ZNF385D: variants seen among roughly 807,000 people sequenced by gnomAD.
The protein encoded by ZNF385D is zinc finger protein 385D, also known as zinc finger protein 659.
In ZNF385D, 15 loss-of-function variants were observed where a neutral mutation model predicts 35.8. The ratio of observed to expected loss-of-function variants is 0.42; its 90% CI spans 0.28 to 0.64. The LOEUF is 0.64. ZNF385D is among the 30% of genes least tolerant of loss of function. ZNF385D has a pLI of 0.23. For synonymous variants in ZNF385D, 212 were observed against 186.8 expected, an observed-to-expected ratio of 1.13 and a Z score of -1.10; for missense variants, 474 against 494.6, an observed-to-expected ratio of 0.96 and a Z score of 0.39.
At chr3:22,157,057 T>A (rs1455103076) in intron 3 of ZNF385D, among the ~76,000 whole-genome samples, 1 of 152,108 alleles carries the variant, frequency 6.6e-6, no homozygotes, top group East Asian at 1.9e-4. Flanking sequence ...GGCTTCTGAA[T>A]CAAGGAGCAA....
At chr3:21,758,572 T>C (rs1321604633) in intron 3 of ZNF385D, among the ~76,000 whole-genome samples, 3 of 152,096 alleles carry the variant, frequency 2.0e-5, no homozygotes, top group Non-Finnish European at 4.4e-5. Context: ...AAACAGAACG[T>C]TCAGGCAGAA....
At chr3:21,499,980 G>A (rs1283611136) in intron 4 of ZNF385D, among the ~76,000 whole-genome samples, 1 of 152,096 alleles carries the variant, frequency 6.6e-6, no homozygotes, top group South Asian at 2.1e-4. Flanking sequence ...TAGTCAATCC[G>A]ACTCAATAGA....
intron 3 of ZNF385D, among the ~76,000 whole-genome samples, chr3:21,942,183 A>G (rs1219522153): frequency 2.0e-5 from 3 of 152,204 alleles, no homozygotes; most frequent in Admixed American, 2.0e-4. Flanking sequence ...TTTCTGAAAT[A>G]TTACATTTTA....
At chr3:22,255,877 C>T (rs1459538947) in intron 2 of ZNF385D, among the ~76,000 whole-genome samples, 2 of 150,744 alleles carry the variant, frequency 1.3e-5, no homozygotes, top group African/African-American at 2.4e-5. Flanking sequence ...TTGAAGGATA[C>T]AAAGTATTGA....
chr3:22,090,659 G>A (rs1701281641), intron 3 of ZNF385D, among the ~76,000 whole-genome samples: 1 of 152,226 alleles, frequency 6.6e-6, no homozygotes, highest in African/African-American at 2.4e-5. Context: ...CAACAACAGT[G>A]AAATTCACCA....
At chr3:22,332,586 A>G (rs991124137) in intron 2 of ZNF385D, among the ~76,000 whole-genome samples, 1 of 152,158 alleles carries the variant, frequency 6.6e-6, no homozygotes, top group African/African-American at 2.4e-5. Flanking sequence ...GATAGCAAGG[A>G]AACAAAAAAT....
At chr3:22,279,136 G>A (rs1242273524) in intron 2 of ZNF385D, among the ~76,000 whole-genome samples, 2 of 151,886 alleles carry the variant, frequency 1.3e-5, no homozygotes, top group African/African-American at 4.8e-5. Context: ...TAGGTTTTGG[G>A]GGAACAGGTG....
At chr3:21,488,051 A>G (rs895738695) in intron 4 of ZNF385D, among the ~76,000 whole-genome samples, 10 of 151,802 alleles carry the variant, frequency 6.6e-5, no homozygotes, top group Non-Finnish European at 1.2e-4. Context: ...CGTATTTGAA[A>G]ATTGAACTTA....
At chr3:21,941,700 T>C (rs2125275516) in intron 3 of ZNF385D, among the ~76,000 whole-genome samples, 1 of 151,970 alleles carries the variant, frequency 6.6e-6, no homozygotes, top group Non-Finnish European at 1.5e-5. Context: ...GGTTTCACCG[T>C]ATTAGCTAGG....
chr3:21,973,465 T>C (rs907472540), intron 3 of ZNF385D, among the ~76,000 whole-genome samples: 32 of 151,942 alleles, frequency 2.1e-4, no homozygotes, highest in African/African-American at 7.7e-4. Flanking sequence ...TAGTATCATA[T>C]TGAACAGGGA....
At chr3:22,233,065 A>G (rs1456702942) in intron 2 of ZNF385D, among the ~76,000 whole-genome samples, 1 of 152,042 alleles carries the variant, frequency 6.6e-6, no homozygotes, top group Admixed American at 6.6e-5. Context: ...GCCCTGGGAA[A>G]TTTTTACTAT....
At chr3:21,544,300 A>T (rs939021169) in intron 3 of ZNF385D, among the ~76,000 whole-genome samples, 2 of 152,240 alleles carry the variant, frequency 1.3e-5, no homozygotes, top group Admixed American at 6.5e-5. Flanking sequence ...CTAAGAAGGC[A>T]AAACGTGGCT....
At chr3:22,133,748 C>T (rs566809934) in intron 3 of ZNF385D, 36 of 151,998 alleles carry the variant, frequency 2.4e-4, no homozygotes, top group African/African-American at 8.2e-4. Flanking sequence ...CCTCAGTACT[C>T]AAGGAATGGC....
At chr3:22,146,058 G>T (rs551108521) in intron 3 of ZNF385D, among the ~76,000 whole-genome samples, 1 of 152,108 alleles carries the variant, frequency 6.6e-6, no homozygotes, top group African/African-American at 2.4e-5. Flanking sequence ...CATCCGCAGG[G>T]CCCTGAAATG....
At chr3:22,244,206 G>T (rs114492425) in intron 2 of ZNF385D, among the ~76,000 whole-genome samples, 1 of 149,682 alleles carries the variant, frequency 6.7e-6, no homozygotes, top group Non-Finnish European at 1.5e-5. Flanking sequence ...TTTCTCTAGG[G>T]TTTGCAATAC....
At chr3:21,712,245 C>G (rs925581805) in intron 1 of ZNF385D, among the ~76,000 whole-genome samples, 1 of 152,168 alleles carries the variant, frequency 6.6e-6, no homozygotes, top group African/African-American at 2.4e-5. Context: ...TTCTCTCTCT[C>G]CATTGTACAC....
In ZNF385D at chr3:21,919,546, T is replaced by C. The variant is rs185163159; in HGVS notation, c.325+249271A>G. ...GAGACAGACTGTGAGCAGAGAAGTTTGGGAACAGTTTCTTGCCACAGCCAC... is the reference window on the plus strand; with the variant it reads ...GAGACAGACTGTGAGCAGAGAAGTTCGGGAACAGTTTCTTGCCACAGCCAC... On this transcript the variant is annotated intron_variant, in intron 3 of 5. Coordinates refer to the ZNF385D transcript ENST00000494108. 1.7e-3 allele frequency among the ~76,000 whole-genome samples: 255 copies of C among 152,334 alleles called. 1 individual carries two copies. Among genetic ancestry groups the C allele is most frequent in the South Asian group, 3.7e-3 (18 of 4,834 alleles).
intron 4 of ZNF385D, among the ~76,000 whole-genome samples, chr3:21,485,923 G>A (rs1233847105): frequency 6.6e-6 from 1 of 150,826 alleles, no homozygotes; most frequent in Non-Finnish European, 1.5e-5. Flanking sequence ...CACCACATCT[G>A]TACCACCCCT....
At chr3:21,970,426 G>T (rs941477611) in intron 3 of ZNF385D, among the ~76,000 whole-genome samples, 1 of 151,102 alleles carries the variant, frequency 6.6e-6, no homozygotes, top group Non-Finnish European at 1.5e-5. Context: ...ATGCATTAGG[G>T]TCTCTTAACA....
Sources: allele counts gnomAD v4.1 joint callset (sites outside exome capture counted in the v4.1 genomes callset), GRCh38; gene constraint gnomAD v4.1.1; transcripts MANE v1.5; gene names NCBI Gene and HGNC (gene_info 2026-07-23, HGNC 2026-07-21).